The following SLIT2 variants were observed in gnomAD, a reference collection of about 807,000 sequenced individuals.
SLIT2 encodes the protein slit guidance ligand 2.
A neutral mutation model predicts 185.7 loss-of-function variants in SLIT2; 41 were observed. The observed-to-expected ratio is 0.22, with a 90% CI of 0.17 to 0.29. SLIT2 has a LOEUF of 0.29. Ranked by LOEUF, SLIT2 falls within the 10% of genes least tolerant of loss-of-function variation. The probability of loss-of-function intolerance (pLI) is 1.00; values close to 1 mark genes in which losing one functional copy is unlikely to be tolerated. For synonymous variants in SLIT2, 693 were observed against 680.2 expected (o/e 1.02, Z -0.29); for missense variants, 1,571 against 1,909.0 (o/e 0.82, Z 3.30).
intron 4 of SLIT2, chr4:20,364,214 G>A (rs1722944296): frequency 3.2e-6 from 3 of 946,408 alleles, no homozygotes; most frequent in Middle Eastern, 1.1e-3. Context: ...GCCCTGTGGA[G>A]TGTTTGGAAA....
Position 20,583,680 on chromosome 4 carries a change from G to A in SLIT2, c.3089-5964G>A, listed in dbSNP as rs369518451. ...AAAATTTAGCTGGGCATGGTGGTGC[G>A]CACCTGTAGTCCCAGCTACTGGGGA... On this transcript the variant is annotated intron_variant, in intron 29 of 36. Coordinates refer to ENST00000504154, the MANE Select transcript of SLIT2 (RefSeq NM_004787.4). Among the ~76,000 whole-genome samples, 16 of 151,956 alleles carry A rather than the reference G, an allele frequency of 1.1e-4. 1 individual carries two copies. Among genetic ancestry groups the A allele is most frequent in the South Asian group, 8.3e-4 (4 of 4,798 alleles).
At chr4:20,327,517 A>G (rs1719694897) in intron 4 of SLIT2, among the ~76,000 whole-genome samples, 1 of 151,966 alleles carries the variant, frequency 6.6e-6, no homozygotes, top group Non-Finnish European at 1.5e-5. Flanking sequence ...ACATAGAGTA[A>G]TTGTTTTTCT....
At chr4:20,415,894 T>C (rs1186091873) in intron 4 of SLIT2, among the ~76,000 whole-genome samples, 1 of 152,222 alleles carries the variant, frequency 6.6e-6, no homozygotes, top group Non-Finnish European at 1.5e-5. Context: ...GACTGGTAGA[T>C]TATAAATAGT....
At chr4:20,462,781 C>T (rs765526810) in intron 4 of SLIT2, among the ~76,000 whole-genome samples, 7 of 152,126 alleles carry the variant, frequency 4.6e-5, no homozygotes, top group Non-Finnish European at 8.8e-5. Flanking sequence ...CTCCTCCATC[C>T]CACTGACACA....
At position 20,532,053 on chromosome 4, in the gene SLIT2, T is replaced by C. The variant is rs1721859154; in HGVS notation, c.1683T>C (p.Arg561=). 6 of 1,553,088 alleles carry C rather than the reference T, an allele frequency of 3.9e-6. No homozygotes were observed. Among genetic ancestry groups the C allele is most frequent in the Non-Finnish European group, 5.2e-6 (6 of 1,149,724 alleles). Residue 561 remains arginine (R), a synonymous_variant, in exon 17 of 37, where the codon CGT becomes CGC. Coordinates refer to ENST00000504154, the MANE Select transcript of SLIT2 (RefSeq NM_004787.4). ...TCTTTAAGAAACTTCCTCAATTACG[T>C]AAAATGTAAGTCACTTGTTAGCTAT... The part of the protein sequence containing the change: ...TGIFKKLPQL[R]KINFSNNKIT...
chr4:20,583,465 T>C (rs1030698592), intron 29 of SLIT2, among the ~76,000 whole-genome samples: 1 of 152,078 alleles, frequency 6.6e-6, no homozygotes, highest in Non-Finnish European at 1.5e-5. Context: ...GAAGTAGAAA[T>C]GAAGGCAATA....
chr4:20,498,159 C>T (rs1452655694), intron 9 of SLIT2, among the ~76,000 whole-genome samples: 1 of 152,002 alleles, frequency 6.6e-6, no homozygotes, highest in Non-Finnish European at 1.5e-5. Flanking sequence ...GGCAACAGAG[C>T]GAGGCTCCGT....
At chr4:20,462,488 G>A (rs1354944144) in intron 4 of SLIT2, among the ~76,000 whole-genome samples, 1 of 152,068 alleles carries the variant, frequency 6.6e-6, no homozygotes, top group African/African-American at 2.4e-5. Flanking sequence ...ATGGCTGTAA[G>A]TTCTCCCTGA....
chr4:20,283,577 A>G (rs1714996152), intron 4 of SLIT2, among the ~76,000 whole-genome samples: 1 of 152,192 alleles, frequency 6.6e-6, no homozygotes, highest in Non-Finnish European at 1.5e-5. Flanking sequence ...GCTTCTCACC[A>G]GGACACTTAA....
rs114349919 is a variant in SLIT2, at chr4:20,476,382, G to A, written c.468-4334G>A. Among the ~76,000 whole-genome samples the A allele has an allele frequency of 4.9e-3, 747 of 151,926 alleles. 11 individuals carry two copies. The highest frequency in any genetic ancestry group is 0.017 in the African/African-American group (693 of 41,464). On this transcript the variant is annotated intron_variant, in intron 5 of 36. Transcript: ENST00000504154. ...CCCTCATATTGATTTTAGCCATTTC[G>A]ATGTGTCTTAAGTCAACTAAATTTT...
chr4:20,605,681 A>G lies in SLIT2; in HGVS notation c.3693-4332A>G, dbSNP rs1381368316. Among the ~76,000 whole-genome samples, 9 of 150,696 alleles carry G rather than the reference A, an allele frequency of 6.0e-5. No individual in the cohort carries two copies. In the East Asian group the frequency reaches 1.5e-3, roughly 26 times the overall value. On this transcript the variant is annotated intron_variant, in intron 33 of 36. Coordinates refer to ENST00000504154, the MANE Select transcript of SLIT2 (RefSeq NM_004787.4). Reference sequence around the variant, plus strand: ...AGGCAGTCTTACTATGTAGCAACTGATGTGTCGATCACTGCTTTTATTTTA... The same window carrying G: ...AGGCAGTCTTACTATGTAGCAACTGGTGTGTCGATCACTGCTTTTATTTTA...
intron 4 of SLIT2, among the ~76,000 whole-genome samples, chr4:20,356,469 C>G (rs1263134964): frequency 6.6e-6 from 1 of 152,172 alleles, no homozygotes; most frequent in East Asian, 1.9e-4. Flanking sequence ...CTAACACACT[C>G]TATTCATAAT....
chr4:20,595,610 G>A, intron 30 of SLIT2, 87 bp from the exon 31 acceptor site: 1 of 1,512,120 alleles, frequency 6.6e-7, no homozygotes, highest in Non-Finnish European at 9.1e-7. Context: ...GTATTTTAAA[G>A]ATGGTGCCAT....
intron 12 of SLIT2, among the ~76,000 whole-genome samples, chr4:20,522,677 AATAC>A (rs1720938912): frequency 1.3e-5 from 2 of 152,110 alleles, no homozygotes; most frequent in African/African-American, 4.8e-5. Context: ...ATATTGATAT[AATAC>A]ATAGGGGAAA....
intron 4 of SLIT2, among the ~76,000 whole-genome samples, chr4:20,406,548 A>G (rs1264076191): frequency 6.9e-6 from 1 of 144,240 alleles, no homozygotes; most frequent in African/African-American, 2.4e-5. Flanking sequence ...ATACATTAAA[A>G]AGTGCTCAAC....
At chr4:20,612,733 C>T (rs546000693) in intron 34 of SLIT2, among the ~76,000 whole-genome samples, 1 of 152,016 alleles carries the variant, frequency 6.6e-6, no homozygotes, top group Non-Finnish European at 1.5e-5. Flanking sequence ...CTGGTTAACA[C>T]GGTGAAACCC....
chr4:20,280,421 A>G (rs965769153), intron 4 of SLIT2, among the ~76,000 whole-genome samples: 4 of 151,850 alleles, frequency 2.6e-5, no homozygotes, highest in African/African-American at 9.7e-5. Context: ...CACTAGCTGC[A>G]GTTGCTGAGC....
intron 5 of SLIT2, among the ~76,000 whole-genome samples, chr4:20,472,303 G>GGTATAT (rs1715233463): frequency 3.2e-5 from 1 of 30,984 alleles, no homozygotes; most frequent in African/African-American, 2.0e-4. Flanking sequence ...TAGATATATA[G>GGTATAT]ATCTATATAT....
intron 29 of SLIT2, among the ~76,000 whole-genome samples, chr4:20,570,325 G>A (rs985361135): frequency 6.6e-6 from 1 of 151,976 alleles, no homozygotes. Flanking sequence ...ACAAAGAATA[G>A]CAAGTATATT....
Sources: allele counts gnomAD v4.1 joint callset (sites outside exome capture counted in the v4.1 genomes callset), GRCh38; gene constraint gnomAD v4.1.1; transcripts MANE v1.5; gene names NCBI Gene and HGNC (gene_info 2026-07-23, HGNC 2026-07-21).